The following PPP2R5A variants were observed in gnomAD, a reference collection of about 807,000 sequenced individuals.
PPP2R5A encodes serine/threonine-protein phosphatase 2A 56 kDa regulatory subunit alpha isoform.
Under a neutral mutation model 64.2 loss-of-function variants are expected in PPP2R5A, and 25 were observed. The ratio of observed to expected loss-of-function variants is 0.39; its 90% confidence interval spans 0.28 to 0.54. PPP2R5A has a LOEUF of 0.54. Among genes scored for constraint, PPP2R5A ranks in the 20% least tolerant of loss-of-function variants. The pLI, the probability that PPP2R5A is intolerant of heterozygous loss-of-function variation, is 0.67. For missense variants in PPP2R5A, 425 were observed against 576.3 expected (o/e 0.74, Z 2.69); for synonymous variants, 198 against 201.2 (o/e 0.98, Z 0.13).
rs763117526 is a variant in PPP2R5A at position 212,292,480 on chromosome 1, TCTTATAGTCA to T, written c.181+6192_181+6201del. Among the ~76,000 whole-genome samples the T allele has an allele frequency of 9.5e-5, 13 of 136,914 alleles. No homozygotes were observed. The East Asian group carries it at 2.6e-3, about 27-fold the overall frequency. 89.8% of individuals were successfully genotyped at this position (136,914 alleles called of 152,430 possible). ...TGATGAAGAAATTATATGTTGGTTG[TCTTATAGTCA>T]CTCCTTCCCCTTTAGATTGTGCTGC... is the stretch of plus-strand genomic sequence containing the variant. On this transcript the variant is annotated intron_variant, in intron 1 of 12. Transcript: ENST00000261461.
At chr1:212,330,204 A>G (rs1185954175) in intron 2 of PPP2R5A, among the ~76,000 whole-genome samples, 2 of 151,988 alleles carry the variant, frequency 1.3e-5, no homozygotes, top group African/African-American at 4.8e-5. Context: ...TGATTTTTTA[A>G]TTTTATTTTA....
intron 1 of PPP2R5A, among the ~76,000 whole-genome samples, chr1:212,314,603 G>A (rs1289339989): frequency 1.3e-5 from 2 of 150,010 alleles, no homozygotes; most frequent in Non-Finnish European, 3.0e-5. Context: ...GATGCCCAGG[G>A]TGAAGTGCAG....
At chr1:212,319,191 A>ACT (rs1312495809) in intron 1 of PPP2R5A, among the ~76,000 whole-genome samples, 2 of 152,220 alleles carry the variant, frequency 1.3e-5, no homozygotes, top group African/African-American at 2.4e-5. Flanking sequence ...GACTGAGCAA[A>ACT]CTACTGTGTT....
At chr1:212,298,859 G>A (rs1357830498) in intron 1 of PPP2R5A, among the ~76,000 whole-genome samples, 1 of 41,046 alleles carries the variant, frequency 2.4e-5, no homozygotes, top group Non-Finnish European at 4.5e-5. Context: ...CCCGGACGGG[G>A]CGGCTGGCCA....
intron 1 of PPP2R5A, among the ~76,000 whole-genome samples, chr1:212,291,397 T>TAAAAC (rs766137832): frequency 9.2e-5 from 14 of 152,246 alleles, no homozygotes; most frequent in East Asian, 3.9e-4. Context: ...CTGGAGAGTT[T>TAAAAC]AAAACAAAAC....
chr1:212,305,800 ACT>A (rs1210769111), intron 1 of PPP2R5A, among the ~76,000 whole-genome samples: 1 of 152,080 alleles, frequency 6.6e-6, no homozygotes, highest in Non-Finnish European at 1.5e-5. Context: ...TTACAAAATG[ACT>A]CTCTTTAGAT....
intron 8 of PPP2R5A, 134 bp from the exon 9 acceptor site, chr1:212,356,492 T>C: frequency 1.3e-6 from 1 of 774,690 alleles, no homozygotes; most frequent in Non-Finnish European, 2.0e-6. Flanking sequence ...GAGCAGAAAG[T>C]CTATTTATAC....
chr1:212,321,100 T>C (rs1659276932), intron 1 of PPP2R5A, among the ~76,000 whole-genome samples: 1 of 122,812 alleles, frequency 8.1e-6, no homozygotes. Flanking sequence ...ACGGGGCGGC[T>C]GGCCGGGCAG....
At position 212,360,864 on chromosome 1, in the gene PPP2R5A, T is replaced by A. The variant is rs577211249; in HGVS notation, c.*94T>A. On this transcript the variant is annotated 3_prime_UTR_variant, in exon 13 of 13. Coordinates refer to ENST00000261461, the MANE Select transcript of PPP2R5A (RefSeq NM_006243.4). ...CAAAACAAACCTCATCAGTATAATA[T>A]AATTAAAAGGCCAATTTTTTCTGGC... 7.9e-7 allele frequency: 1 copy of A among 1,258,642 alleles called. No individual in the cohort carries two copies. The highest frequency in any genetic ancestry group is 2.7e-5 in the East Asian group (1 of 36,688). The allele number at this position is 1,258,642 out of a possible 1,614,324, so 78.0% of individuals were successfully genotyped here. A position where few individuals can be genotyped will look rare whatever the true frequency, so the allele number is the denominator to read the frequency against.
intron 1 of PPP2R5A, among the ~76,000 whole-genome samples, chr1:212,327,884 G>A (rs1659434543): frequency 6.6e-6 from 1 of 152,226 alleles, no homozygotes; most frequent in Non-Finnish European, 1.5e-5. Flanking sequence ...GTGCGATTTC[G>A]GCTCGCTGCA....
intron 8 of PPP2R5A, among the ~76,000 whole-genome samples, chr1:212,351,017 GC>G (rs1354027005): frequency 2.7e-5 from 4 of 150,352 alleles, no homozygotes; most frequent in African/African-American, 9.8e-5. Context: ...GGTGGCGTGT[GC>G]CTGTAATCTC....
intron 1 of PPP2R5A, among the ~76,000 whole-genome samples, chr1:212,322,081 G>A (rs1319631501): frequency 6.6e-6 from 1 of 151,256 alleles, no homozygotes; most frequent in Non-Finnish European, 1.5e-5. Flanking sequence ...GCAGGCACTC[G>A]GCAGGCTGAG....
At chr1:212,325,100 A>C (rs768859514) in intron 1 of PPP2R5A, among the ~76,000 whole-genome samples, 4 of 152,170 alleles carry the variant, frequency 2.6e-5, no homozygotes, top group Non-Finnish European at 5.9e-5. Flanking sequence ...TAGATAAAAA[A>C]GAAATAAAAA....
chr1:212,312,212 C>T (rs1054771677), intron 1 of PPP2R5A, among the ~76,000 whole-genome samples: 2 of 152,220 alleles, frequency 1.3e-5, no homozygotes. Flanking sequence ...GAGCAGTAGG[C>T]TCTACCATAT....
intron 1 of PPP2R5A, among the ~76,000 whole-genome samples, chr1:212,295,627 G>C (rs1658679427): frequency 6.6e-6 from 1 of 152,194 alleles, no homozygotes; most frequent in African/African-American, 2.4e-5. Context: ...CAAGAGCCAA[G>C]AGAGACAGCT....
At chr1:212,325,875 A>T (rs1659400883) in intron 1 of PPP2R5A, among the ~76,000 whole-genome samples, 1 of 152,188 alleles carries the variant, frequency 6.6e-6, no homozygotes, top group Admixed American at 6.5e-5. Flanking sequence ...CTAATTTTCA[A>T]ACTAAGTACC....
At chr1:212,346,422 C>G (rs752103053) in intron 5 of PPP2R5A, among the ~76,000 whole-genome samples, 2 of 151,878 alleles carry the variant, frequency 1.3e-5, no homozygotes, top group African/African-American at 2.4e-5. Context: ...CTGCTAATAG[C>G]AGAATCCAAA....
rs1334575910 is a variant in PPP2R5A, at chr1:212,285,509, C to A, written c.-602C>A. 6.6e-6 allele frequency: 1 copy of A among 152,426 alleles called. No homozygotes were observed. Among genetic ancestry groups the A allele is most frequent in the Non-Finnish European group, 1.5e-5 (1 of 68,202 alleles). The allele number at this position is 152,426 out of a possible 1,614,324, so 9.4% of individuals were successfully genotyped here. ...GCGTGGGGGAGGGGGTTCGGGCCGCCCAGCGCGGCAAGGAGCGAGTGTGTG... is the reference window on the plus strand; with the variant it reads ...GCGTGGGGGAGGGGGTTCGGGCCGCACAGCGCGGCAAGGAGCGAGTGTGTG... On this transcript the variant is annotated 5_prime_UTR_variant, in exon 1 of 13. Coordinates refer to ENST00000261461, the MANE Select transcript of PPP2R5A (RefSeq NM_006243.4).
intron 1 of PPP2R5A, among the ~76,000 whole-genome samples, chr1:212,313,354 T>TG (rs1659075862): frequency 1.3e-5 from 2 of 152,244 alleles, no homozygotes; most frequent in Non-Finnish European, 2.9e-5. Flanking sequence ...TATAAAGTGA[T>TG]GTATGACATT....
Sources: gnomAD v4.1 joint callset for allele counts (sites outside exome capture counted in the v4.1 genomes callset) on GRCh38, gnomAD v4.1.1 for gene constraint, MANE v1.5 for transcripts, NCBI Gene and HGNC (gene_info 2026-07-23, HGNC 2026-07-21) for gene names.